The following CCSER1 variants were observed in gnomAD, a reference collection of about 807,000 sequenced individuals.
The protein encoded by CCSER1 is coiled-coil serine rich protein 1.
A neutral mutation model predicts 82.0 loss-of-function variants in CCSER1; 41 were observed. The ratio of observed to expected loss-of-function variants is 0.50; its 90% CI spans 0.39 to 0.65. The LOEUF (loss-of-function observed/expected upper bound fraction) is 0.65, where lower values mean the gene tolerates loss of function less well. CCSER1 is among the 30% of genes least tolerant of loss of function. The pLI is 0.00. For missense variants in CCSER1, 1,119 were observed against 1,064.2 expected, an observed-to-expected ratio of 1.05 and a Z score of -0.72; for synonymous variants, 414 against 383.9, an observed-to-expected ratio of 1.08 and a Z score of -0.92.
chr4:90,448,485 A>ATATG (rs1553914348), intron 4 of CCSER1, among the ~76,000 whole-genome samples: 21 of 124,090 alleles, frequency 1.7e-4, no homozygotes, highest in Admixed American at 5.6e-4. Flanking sequence ...ATATATATAT[A>ATATG]GCACTTTTCT....
rs528257345 is a variant in CCSER1 at position 90,703,948 on chromosome 4, C to A, written c.1933-19966C>A. ...ATCCAATTTGCCATTCTGTGTCTTT[C>A]AATTGGAGCATTTAGCCCATTTCCA... is the stretch of plus-strand genomic sequence containing the variant. On this transcript the variant is annotated intron_variant, in intron 6 of 10. Transcript: ENST00000509176. Among the ~76,000 whole-genome samples the A allele has an allele frequency of 3.0e-4, 46 of 152,148 alleles. No homozygotes were observed. In the South Asian group the frequency reaches 8.3e-3, roughly 27 times the overall value.
chr4:90,393,246 T>G (rs13104743), intron 3 of CCSER1, among the ~76,000 whole-genome samples: 1 of 152,228 alleles, frequency 6.6e-6, no homozygotes, highest in Non-Finnish European at 1.5e-5. Context: ...AATTGTAAGG[T>G]AAGTCTCAGA....
intron 10 of CCSER1, among the ~76,000 whole-genome samples, chr4:91,158,886 C>T (rs1581671691): frequency 6.6e-6 from 1 of 151,914 alleles, no homozygotes; most frequent in South Asian, 2.1e-4. Flanking sequence ...TTACCAGAAG[C>T]GAATCCATAT....
chr4:90,829,572 G>A lies in CCSER1; in HGVS notation c.2094+13727G>A, dbSNP rs147733501. On this transcript the variant is annotated intron_variant, in intron 8 of 10. Transcript: ENST00000509176. ...GTCCATAGTAACTTCAGTCCTTGCC[G>A]CCTCAGAAAGAATTTGACTGAGGGG... is the stretch of plus-strand genomic sequence containing the variant. Among the ~76,000 whole-genome samples, 887 of 152,168 alleles carry A rather than the reference G, an allele frequency of 5.8e-3. 13 individuals carry two copies. The highest frequency in any genetic ancestry group is 0.02 in the African/African-American group (842 of 41,526).
intron 10 of CCSER1, among the ~76,000 whole-genome samples, chr4:91,440,685 T>G (rs1020973826): frequency 7.2e-5 from 11 of 151,982 alleles, no homozygotes; most frequent in Non-Finnish European, 1.3e-4. Context: ...CCAGGAGCTG[T>G]TTTTTTGAAA....
At chr4:91,366,594 G>T (rs1749630107) in intron 10 of CCSER1, among the ~76,000 whole-genome samples, 1 of 152,164 alleles carries the variant, frequency 6.6e-6, no homozygotes. Context: ...TCAGTAGATT[G>T]TCCTGTGTCT....
intron 1 of CCSER1, among the ~76,000 whole-genome samples, chr4:90,202,718 TTTCTAA>T (rs1461240943): frequency 1.3e-5 from 2 of 152,254 alleles, no homozygotes; most frequent in African/African-American, 2.4e-5. Context: ...TTAGGAATGC[TTTCTAA>T]TTCTGTCTTT....
At chr4:90,738,732 C>G (rs538962420) in intron 7 of CCSER1, among the ~76,000 whole-genome samples, 17 of 152,148 alleles carry the variant, frequency 1.1e-4, no homozygotes, top group Non-Finnish European at 7.4e-5. Flanking sequence ...CTGAGTTTCT[C>G]TCTCCCTGTA....
intron 10 of CCSER1, among the ~76,000 whole-genome samples, chr4:91,411,748 C>CA (rs34870361): frequency 1.2e-4 from 18 of 144,798 alleles, no homozygotes; most frequent in East Asian, 4.1e-4. Context: ...GCTAGTGGCA[C>CA]AAAAAAAAAA....
At chr4:90,211,540 C>T (rs1244090771) in intron 1 of CCSER1, among the ~76,000 whole-genome samples, 1 of 152,158 alleles carries the variant, frequency 6.6e-6, no homozygotes, top group African/African-American at 2.4e-5. Flanking sequence ...AATGCCAGAC[C>T]AGACTCAAGA....
At chr4:90,406,327 A>T (rs1449496868) in intron 4 of CCSER1, among the ~76,000 whole-genome samples, 1 of 152,320 alleles carries the variant, frequency 6.6e-6, no homozygotes, top group African/African-American at 2.4e-5. Flanking sequence ...CTAAATATAT[A>T]TGCACCTAAC....
chr4:90,189,498 G>A lies in CCSER1; in HGVS notation c.-42+61667G>A, dbSNP rs868503131. On this transcript the variant is annotated intron_variant, in intron 1 of 10. Transcript: ENST00000509176. The stretch of plus-strand genomic sequence containing the variant: ...ATATGGATGTGCGCAAGTATGTTTA[G>A]TGTATATATGTATATATAGATGTGT... 1.1e-4 allele frequency among the ~76,000 whole-genome samples: 16 copies of A among 151,856 alleles called. No individual in the cohort carries two copies. The Middle Eastern group carries it at 0.024, about 228-fold the overall frequency.
intron 9 of CCSER1, among the ~76,000 whole-genome samples, chr4:91,054,019 T>A (rs866823080): frequency 6.6e-6 from 1 of 152,312 alleles, no homozygotes; most frequent in East Asian, 1.9e-4. Context: ...TCCTCTTGCA[T>A]GTGTATGAGT....
chr4:91,411,532 T>A (rs1332071190), intron 10 of CCSER1, among the ~76,000 whole-genome samples: 9 of 54,996 alleles, frequency 1.6e-4, no homozygotes, highest in South Asian at 6.9e-4. Context: ...ATATAAAATC[T>A]TGACTAGTTA....
At chr4:90,254,008 T>C (rs1403500047) in intron 1 of CCSER1, among the ~76,000 whole-genome samples, 1 of 152,178 alleles carries the variant, frequency 6.6e-6, no homozygotes, top group African/African-American at 2.4e-5. Context: ...TTTTTTGAAA[T>C]GAGACTTTGA....
chr4:90,901,494 T>A (rs2150151192), intron 8 of CCSER1, among the ~76,000 whole-genome samples: 1 of 152,160 alleles, frequency 6.6e-6, no homozygotes, highest in African/African-American at 2.4e-5. Context: ...AGAAATCTCT[T>A]AGCATTTGTT....
intron 3 of CCSER1, among the ~76,000 whole-genome samples, chr4:90,373,947 C>T (rs1258356884): frequency 1.3e-5 from 2 of 152,106 alleles, no homozygotes; most frequent in Non-Finnish European, 2.9e-5. Flanking sequence ...GGAGCTAGGG[C>T]ACTGAATTGG....
intron 10 of CCSER1, among the ~76,000 whole-genome samples, chr4:91,417,040 G>A (rs1444827271): frequency 6.6e-6 from 1 of 152,080 alleles, no homozygotes; most frequent in Non-Finnish European, 1.5e-5. Context: ...TAAAAAATGA[G>A]CAAAGGACAT....
At chr4:90,209,962 T>G (rs1739649173) in intron 1 of CCSER1, among the ~76,000 whole-genome samples, 1 of 152,162 alleles carries the variant, frequency 6.6e-6, no homozygotes, top group Non-Finnish European at 1.5e-5. Flanking sequence ...CAGGCAGTTT[T>G]GTCTGTTATT....
Sources: allele counts gnomAD v4.1 joint callset (sites outside exome capture counted in the v4.1 genomes callset), GRCh38; gene constraint gnomAD v4.1.1; transcripts MANE v1.5; gene names NCBI Gene and HGNC (gene_info 2026-07-23, HGNC 2026-07-21).